Variants in ZCWPW1 observed in about 807,000 individuals in gnomAD.
The protein encoded by ZCWPW1 is zinc finger CW-type PWWP domain protein 1.
A neutral mutation model predicts 81.3 loss-of-function variants in ZCWPW1; 56 were observed. That is an observed-to-expected ratio of 0.69 (90% confidence interval 0.56 to 0.86). ZCWPW1 has a LOEUF of 0.86. Ranked by LOEUF, ZCWPW1 falls within the 40% of genes least tolerant of loss-of-function variation. ZCWPW1 has a pLI of 0.00. For missense variants in ZCWPW1, 650 were observed against 769.8 expected (o/e 0.84, Z 1.84); for synonymous variants, 250 against 273.7 (o/e 0.91, Z 0.86).
At position 100,425,032 on chromosome 7, in the gene ZCWPW1, G is replaced by C. The variant is rs1001849858; in HGVS notation, c.-32C>G. 6.6e-6 allele frequency: 1 copy of C among 152,142 alleles called. No homozygotes were observed. The highest frequency in any genetic ancestry group is 1.5e-5 in the Non-Finnish European group (1 of 68,026). 9.4% of individuals were successfully genotyped at this position (152,142 alleles called of 1,614,324 possible). A position where few individuals can be genotyped will look rare whatever the true frequency, so the allele number is the denominator to read the frequency against. ...TGCTTTCAAACAAAAGCTCTAACCT[G>C]ATCAGTAAAGAAGGGAAGGCCAGGA... On this transcript the variant is annotated splice_region_variant and 5_prime_UTR_variant, in exon 2 of 18. The change creates a new upstream start codon in the 5' untranslated region. Coordinates refer to ENST00000684423, the MANE Select transcript of ZCWPW1 (RefSeq NM_001386010.1).
chr7:100,407,672 CG>C (rs1367902188), intron 10 of ZCWPW1, among the ~76,000 whole-genome samples: 2 of 151,898 alleles, frequency 1.3e-5, no homozygotes, highest in East Asian at 3.9e-4. Flanking sequence ...GGATTACAAG[CG>C]TGAGTCACTG....
At chr7:100,420,519 G>T in intron 3 of ZCWPW1, 103 bp downstream of exon 3, 1 of 1,380,236 alleles carries the variant, frequency 7.2e-7, no homozygotes, top group Non-Finnish European at 1.0e-6. Context: ...ACCTGAGTGG[G>T]CACAGAATAT....
intron 12 of ZCWPW1, among the ~76,000 whole-genome samples, chr7:100,406,227 G>A (rs1429058907): frequency 6.6e-6 from 1 of 152,098 alleles, no homozygotes; most frequent in Non-Finnish European, 1.5e-5. Flanking sequence ...GGCAATGGCT[G>A]GAGATAATTT....
At chr7:100,427,391 C>A (rs921441630) in intron 1 of ZCWPW1, among the ~76,000 whole-genome samples, 1 of 151,210 alleles carries the variant, frequency 6.6e-6, no homozygotes, top group Non-Finnish European at 1.5e-5. Flanking sequence ...GGTGAAACCC[C>A]GTCTCTACTA....
At chr7:100,428,387 C>T (rs1287303781) in intron 1 of ZCWPW1, among the ~76,000 whole-genome samples, 181 bp downstream of exon 1, 1 of 152,242 alleles carries the variant, frequency 6.6e-6, no homozygotes, top group East Asian at 1.9e-4. Flanking sequence ...TCCACCCGAA[C>T]GTCCCGGGAA....
chr7:100,408,333 G>A (rs1281349841), intron 10 of ZCWPW1, among the ~76,000 whole-genome samples: 15 of 151,742 alleles, frequency 9.9e-5, no homozygotes, highest in Non-Finnish European at 2.1e-4. Context: ...TTTTTCCAGG[G>A]AGCTATCACC....
chr7:100,415,983 C>T lies in ZCWPW1; in HGVS notation c.746G>A (p.Ser249Asn). The change falls in exon 8 of 18, where the codon AGT becomes AAT. Residue 249 changes from serine to asparagine, a missense_variant. Ser to Asn is a conservative substitution (Grantham distance 46). Transcript: ENST00000684423. ...QIRDQQKGEI[S>N]GFGQCLVWVQ... ...AAACCAGCTAAACTCACCAAAACCA[C>T]TTATCTCTCCTTTTTGCTGGTCCCT... is the stretch of plus-strand genomic sequence containing the variant. The T allele has an allele frequency of 6.2e-7, 1 of 1,614,138 alleles. No homozygotes were observed. The highest frequency in any genetic ancestry group is 8.5e-7 in the Non-Finnish European group (1 of 1,180,016).
chr7:100,408,892 G>A (rs1793609758), intron 9 of ZCWPW1, among the ~76,000 whole-genome samples: 1 of 150,198 alleles, frequency 6.7e-6, no homozygotes, highest in South Asian at 2.1e-4. Flanking sequence ...AGTAGGAATG[G>A]TGCCTCCTCA....
intron 1 of ZCWPW1, among the ~76,000 whole-genome samples, chr7:100,426,510 A>C (rs1464431769): frequency 6.6e-6 from 1 of 151,910 alleles, no homozygotes; most frequent in Non-Finnish European, 1.5e-5. Context: ...AAAAAAAAAA[A>C]AAGTATATTT....
intron 13 of ZCWPW1, 119 bp from the exon 14 acceptor site, chr7:100,404,363 C>CATT: frequency 1.1e-6 from 1 of 930,842 alleles, no homozygotes; most frequent in South Asian, 1.5e-5. Context: ...CCAAAATTAT[C>CATT]ATTATTATTA....
chr7:100,409,296 CCT>C (rs1193977938), intron 9 of ZCWPW1, 130 bp downstream of exon 9: 1 of 694,214 alleles, frequency 1.4e-6, no homozygotes, highest in Non-Finnish European at 2.4e-6. Flanking sequence ...GCAGATCCTT[CCT>C]CTCTCCCAAG....
intron 8 of ZCWPW1, 131 bp downstream of exon 8, chr7:100,415,844 T>C: frequency 8.1e-7 from 1 of 1,238,284 alleles, no homozygotes; most frequent in Non-Finnish European, 1.1e-6. Context: ...TTCGGCAGCA[T>C]ATTCTGCAAC....
intron 17 of ZCWPW1, 46 bp from the exon 18 acceptor site, chr7:100,401,382 G>T: frequency 6.8e-7 from 1 of 1,465,076 alleles, no homozygotes; most frequent in Non-Finnish European, 9.1e-7. Context: ...AGGTCAGCCT[G>T]TCCTTACCTT....
At chr7:100,424,455 T>C (rs140817803) in intron 2 of ZCWPW1, among the ~76,000 whole-genome samples, 24 of 152,198 alleles carry the variant, frequency 1.6e-4, no homozygotes, top group African/African-American at 5.3e-4. Context: ...CTTCAAAAAA[T>C]ATTTTAAATT....
intron 8 of ZCWPW1, among the ~76,000 whole-genome samples, chr7:100,415,697 C>G (rs537472202): frequency 6.6e-6 from 1 of 152,196 alleles, no homozygotes; most frequent in South Asian, 2.1e-4. Flanking sequence ...CCTTTTTTAC[C>G]ACATTATCTC....
At chr7:100,424,869 G>A (rs1473121685) in intron 2 of ZCWPW1, among the ~76,000 whole-genome samples, 161 bp downstream of exon 2, 2 of 152,024 alleles carry the variant, frequency 1.3e-5, no homozygotes. Flanking sequence ...ATCTTCCTAG[G>A]CCAAAGTATA....
chr7:100,416,553 C>T lies in ZCWPW1; in HGVS notation c.480-97G>A, dbSNP rs190222942. 8.4e-6 allele frequency: 11 copies of T among 1,302,564 alleles called. No individual in the cohort carries two copies. In the Admixed American group the frequency reaches 8.7e-5, roughly 10 times the overall value. 80.7% of individuals were successfully genotyped at this position (1,302,564 alleles called of 1,614,324 possible). On this transcript the variant is annotated intron_variant, in intron 6 of 17. Transcript: ENST00000684423. The stretch of plus-strand genomic sequence containing the variant: ...CGAGTAAAAGGAAGACAGATGAATC[C>T]TAAGCTCTCTAAGACCTCCTGAGGC...
rs1797192320 is a variant in ZCWPW1, at chr7:100,425,658, TCCC to T, written c.-136-525_-136-523del. Among the ~76,000 whole-genome samples, 3 of 152,122 alleles carry T rather than the reference TCCC, an allele frequency of 2.0e-5. No homozygotes were observed. The South Asian group carries it at 6.2e-4, about 32-fold the overall frequency. ...CATGTACTTTTACAAAAACAAGATA[TCCC>T]AACAGACTGAATGCAGAAACAGACG... On this transcript the variant is annotated intron_variant, in intron 1 of 17. Transcript: ENST00000684423.
At chr7:100,425,804 C>T (rs1797217013) in intron 1 of ZCWPW1, among the ~76,000 whole-genome samples, 1 of 152,162 alleles carries the variant, frequency 6.6e-6, no homozygotes. Flanking sequence ...TCATAAAAAC[C>T]TGTTTAGGTT....
Sources: allele counts gnomAD v4.1 joint callset (sites outside exome capture counted in the v4.1 genomes callset), GRCh38; gene constraint gnomAD v4.1.1; transcripts MANE v1.5; gene names NCBI Gene and HGNC (gene_info 2026-07-23, HGNC 2026-07-21).